DHX29: variants seen among roughly 807,000 people sequenced by gnomAD.
The protein encoded by DHX29 is DExH-box helicase 29.
Under a neutral mutation model 167.9 loss-of-function variants are expected in DHX29, and 79 were observed. That is an observed-to-expected ratio of 0.47 (90% CI 0.39 to 0.57). The LOEUF is 0.57. Ranked by LOEUF, DHX29 falls within the 20% of genes least tolerant of loss-of-function variation. The pLI is 0.00. For missense variants in DHX29, 1,347 were observed against 1,593.4 expected (o/e 0.85, Z 2.63); for synonymous variants, 530 against 546.0 (o/e 0.97, Z 0.41).
intron 3 of DHX29, among the ~76,000 whole-genome samples, chr5:55,296,829 T>C (rs1254568253): frequency 2.0e-5 from 3 of 152,192 alleles, no homozygotes; most frequent in East Asian, 1.9e-4. Flanking sequence ...TAGATAAAGA[T>C]AAAGCATTTT....
At chr5:55,291,912 T>A (rs999347627) in intron 6 of DHX29, among the ~76,000 whole-genome samples, 10 of 152,214 alleles carry the variant, frequency 6.6e-5, no homozygotes, top group African/African-American at 1.9e-4. Flanking sequence ...TTTTACCTAT[T>A]CATTCATCTT....
At chr5:55,289,041 A>AT (rs1242863178) in intron 8 of DHX29, among the ~76,000 whole-genome samples, 1 of 152,218 alleles carries the variant, frequency 6.6e-6, no homozygotes, top group African/African-American at 2.4e-5. Context: ...CAGTCTGGAG[A>AT]TGAATCAGAG....
chr5:55,257,373 AAG>A (rs1179619569), intron 26 of DHX29, among the ~76,000 whole-genome samples: 1 of 152,188 alleles, frequency 6.6e-6, no homozygotes, highest in Admixed American at 6.5e-5. Context: ...GGAGGGGAAA[AAG>A]AGAGGTCACT....
intron 21 of DHX29, 131 bp downstream of exon 21, chr5:55,269,282 T>C (rs907301154): frequency 5.5e-5 from 39 of 714,064 alleles, no homozygotes; most frequent in Middle Eastern, 8.4e-4. Flanking sequence ...ATTCAGGCCC[T>C]CTCGGTTTTA....
Position 55,269,569 on chromosome 5 carries a change from G to T in DHX29, c.3138C>A (p.Ile1046=). The T allele has an allele frequency of 6.2e-7, 1 of 1,614,082 alleles. No homozygotes were observed. Among genetic ancestry groups the T allele is most frequent in the East Asian group, 2.2e-5 (1 of 44,872 alleles). ...KALDPPQLQV[I]SNAMNLLRKI... ...TTCGGAGCAAATTCATTGCATTGCT[G>T]ATCACTTGGAGCTGAGGAGGATCTA... Residue 1046 remains isoleucine, a synonymous_variant, in exon 21 of 27, where the codon ATC becomes ATA. Transcript: ENST00000251636.
Position 55,302,533 on chromosome 5 carries a change from T to C in DHX29, c.188-3869A>G, listed in dbSNP as rs868617539. Among the ~76,000 whole-genome samples the C allele has an allele frequency of 3.3e-5, 5 of 150,938 alleles. No individual in the cohort carries two copies. In the South Asian group the frequency reaches 6.3e-4, roughly 19 times the overall value. ...TACTTGGGAGGCTGAGATGGGAGGA[T>C]TGCTTGAGCCTGGGAGGCAGAGATT... On this transcript the variant is annotated intron_variant, in intron 1 of 26. Coordinates refer to ENST00000251636, the MANE Select transcript of DHX29 (RefSeq NM_019030.4).
At chr5:55,289,246 C>T (rs945797337) in intron 8 of DHX29, 24 bp downstream of exon 8, 1 of 1,516,852 alleles carries the variant, frequency 6.6e-7, no homozygotes, top group Non-Finnish European at 8.8e-7. Flanking sequence ...AAATTACACC[C>T]TGACCATCTT....
rs1223740436 is a variant in DHX29 at position 55,259,880 on chromosome 5, T to C, written c.4025A>G (p.Lys1342Arg). 6.2e-7 allele frequency: 1 copy of C among 1,612,052 alleles called. No homozygotes were observed. The highest frequency in any genetic ancestry group is 1.1e-5 in the South Asian group (1 of 90,970). The stretch of plus-strand genomic sequence containing the variant: ...GGACATCTTTGGATTTTCAAGCTTT[T>C]TTCTTAAAACTGAATCAATGAGAAC... ...LRVLIDSVLR[K>R]KLENPKMSLE... is the part of the protein sequence containing the mutation. Residue 1342 changes from lysine (K) to arginine (R), a missense_variant, in exon 26 of 27, where the codon AAA becomes AGA. Physicochemically the swap from Lys to Arg is conservative, Grantham distance 26. Around this residue, in one of 3 missense-constraint regions of DHX29, gnomAD observed 882 missense variants for 1,082.4 expected, o/e 0.81. Transcript: ENST00000251636.
Position 55,261,433 on chromosome 5 carries a change from C to T in DHX29, c.3895G>A (p.Gly1299Ser). The T allele has an allele frequency of 6.3e-7, 1 of 1,575,978 alleles. No homozygotes were observed. Among genetic ancestry groups the T allele is most frequent in the Non-Finnish European group, 8.7e-7 (1 of 1,146,274 alleles). Reference sequence around the variant, plus strand: ...CGGTGCTGAACTTCTATATCACCACCAAAAAGTAAAACTGGAAAAGGGGTT... The same window carrying T: ...CGGTGCTGAACTTCTATATCACCACTAAAAAGTAAAACTGGAAAAGGGGTT... ...LITPFPVLLF[G>S]GDIEVQHRER... The change falls in exon 25 of 27, where the codon GGT (glycine) becomes AGT (serine). Residue 1299 changes from glycine (G) to serine (S), a missense_variant. Transcript: ENST00000251636.
Position 55,263,219 on chromosome 5 carries a change from C to A in DHX29, c.3526-287G>T, listed in dbSNP as rs532472944. ...CTGAACACATTTTCATTCACTACAT[C>A]TACTTCCATAGTAGCTCTCCTTTTT... On this transcript the variant is annotated intron_variant, in intron 23 of 26. Coordinates refer to ENST00000251636, the MANE Select transcript of DHX29 (RefSeq NM_019030.4). Among the ~76,000 whole-genome samples the A allele has an allele frequency of 7.2e-5, 11 of 152,268 alleles. No homozygotes were observed. The South Asian group carries it at 2.3e-3, about 32-fold the overall frequency.
In DHX29 at chr5:55,297,382, T is replaced by C; in HGVS notation, c.278A>G (p.Lys93Arg). The part of the protein sequence containing the change: ...KSILKVVINN[K>R]LEQRIIGVIN... ...CACTCCAATAATTCTTTGCTCTAGT[T>C]TGTTATTAATTACCACCTGTTGAGG... is the stretch of plus-strand genomic sequence containing the variant. The change falls in exon 3 of 27, where the codon AAA (lysine) becomes AGA (arginine). Residue 93 changes from lysine (K) to arginine (R), a missense_variant. This residue lies in a region of DHX29 where 405 missense variants were observed against 416.8 expected (regional missense o/e 0.97). Transcript: ENST00000251636. 6.8e-7 allele frequency: 1 copy of C among 1,460,030 alleles called. No homozygotes were observed. The highest frequency in any genetic ancestry group is 9.6e-7 in the Non-Finnish European group (1 of 1,043,758). 90.4% of individuals were successfully genotyped at this position (1,460,030 alleles called of 1,614,324 possible).
At chr5:55,282,051 G>A (rs1747454186) in intron 11 of DHX29, among the ~76,000 whole-genome samples, 1 of 152,058 alleles carries the variant, frequency 6.6e-6, no homozygotes, top group African/African-American at 2.4e-5. Context: ...CTCCCAAAGT[G>A]CTAGGATTAT....
At chr5:55,271,412 C>T (rs1428203311) in intron 18 of DHX29, among the ~76,000 whole-genome samples, 2 of 152,168 alleles carry the variant, frequency 1.3e-5, no homozygotes. Flanking sequence ...AGGCAGATTG[C>T]CTGAGGTCAG....
chr5:55,303,121 AT>A (rs1487763965), intron 1 of DHX29, among the ~76,000 whole-genome samples: 2 of 152,082 alleles, frequency 1.3e-5, no homozygotes, highest in Non-Finnish European at 2.9e-5. Flanking sequence ...AAAAAAAAAA[AT>A]CAACCAGAAT....
At chr5:55,267,378 TATAAGA>T (rs575769043) in intron 22 of DHX29, 147 bp from the exon 23 acceptor site, 105 of 630,914 alleles carry the variant, frequency 1.7e-4, no homozygotes, top group Middle Eastern at 4.1e-4. Context: ...ACCAATTGTA[TATAAGA>T]ATATTATTAA....
At chr5:55,277,905 C>CAAAAAAAAAAAAAAAAA (rs753851538) in intron 12 of DHX29, among the ~76,000 whole-genome samples, 1 of 62,178 alleles carries the variant, frequency 1.6e-5, no homozygotes. Flanking sequence ...GACTCTATCT[C>CAAAAAAAAAAAAAAAAA]AAAAAAAAAA....
rs776119676 is a variant in DHX29, at chr5:55,275,030, A to T, written c.2428-20T>A. The T allele has an allele frequency of 1.2e-6, 2 of 1,602,370 alleles. No individual in the cohort carries two copies. The highest frequency in any genetic ancestry group is 2.7e-5 in the African/African-American group (2 of 74,130). Reference sequence around the variant, plus strand: ...GTATTCCTAAAAGAAATCCAACCAGAGGGAGGTGAATAAAAATATTAAGTA... The same window carrying T: ...GTATTCCTAAAAGAAATCCAACCAGTGGGAGGTGAATAAAAATATTAAGTA... On this transcript the variant is annotated intron_variant, in intron 14 of 26. Coordinates refer to ENST00000251636, the MANE Select transcript of DHX29 (RefSeq NM_019030.4).
At chr5:55,265,203 T>C (rs1269198847) in intron 23 of DHX29, among the ~76,000 whole-genome samples, 1 of 150,466 alleles carries the variant, frequency 6.6e-6, no homozygotes, top group Non-Finnish European at 1.5e-5. Context: ...ACCACAAGGA[T>C]ACAATCAACC....
rs1482309349 is a variant in DHX29 at position 55,274,920 on chromosome 5, T to C, written c.2518A>G (p.Met840Val). 5.6e-6 allele frequency: 9 copies of C among 1,613,772 alleles called. No homozygotes were observed. The highest frequency in any genetic ancestry group is 1.1e-5 in the South Asian group (1 of 91,024). ...TCCAGGTTGATTTTATGAGGATTCATGTATAGAATAGCATGCTGAGTGCGG... is the reference window on the plus strand; with the variant it reads ...TCCAGGTTGATTTTATGAGGATTCACGTATAGAATAGCATGCTGAGTGCGG... ...SSRTQHAILYMNPHKINLDLI... is the reference protein window; with the variant it reads ...SSRTQHAILYVNPHKINLDLI... Residue 840 changes from methionine (M) to valine (V), a missense_variant, in exon 15 of 27, where the codon ATG becomes GTG. Coordinates refer to ENST00000251636, the MANE Select transcript of DHX29 (RefSeq NM_019030.4).
Sources: gnomAD v4.1 joint callset for allele counts (sites outside exome capture counted in the v4.1 genomes callset) on GRCh38, gnomAD v4.1.1 for gene constraint, gnomAD v4.1.1 regional missense constraint, MANE v1.5 for transcripts, NCBI Gene and HGNC (gene_info 2026-07-23, HGNC 2026-07-21) for gene names.